WDR7: variants seen among roughly 807,000 people sequenced by gnomAD.
The protein encoded by WDR7 is WD repeat domain 7.
In WDR7, 46 loss-of-function variants were observed where a neutral mutation model predicts 169.4. That is an observed-to-expected ratio of 0.27 (90% CI 0.21 to 0.35). The LOEUF (loss-of-function observed/expected upper bound fraction) is 0.35. Ranked by LOEUF, WDR7 falls within the 10% of genes least tolerant of loss-of-function variation. The pLI is 1.00. For missense variants in WDR7, 1,534 were observed against 1,859.3 expected, an observed-to-expected ratio of 0.83 and a Z score of 3.22; for synonymous variants, 612 against 666.8, an observed-to-expected ratio of 0.92 and a Z score of 1.27.
intron 19 of WDR7, among the ~76,000 whole-genome samples, chr18:56,790,537 T>C (rs1305614002): frequency 6.6e-6 from 1 of 152,198 alleles, no homozygotes; most frequent in Non-Finnish European, 1.5e-5. Flanking sequence ...ATTTTTATTA[T>C]ATTAGCTAAT....
At chr18:56,839,406 G>T (rs557089467) in intron 20 of WDR7, among the ~76,000 whole-genome samples, 1 of 152,014 alleles carries the variant, frequency 6.6e-6, no homozygotes, top group East Asian at 1.9e-4. Context: ...ATATTATTTT[G>T]TCATTAATGT....
intron 20 of WDR7, among the ~76,000 whole-genome samples, chr18:56,847,090 A>C (rs2045579415): frequency 6.6e-6 from 1 of 152,184 alleles, no homozygotes; most frequent in Non-Finnish European, 1.5e-5. Flanking sequence ...AGACTTTTTA[A>C]GTGGTTGTGA....
intron 11 of WDR7, among the ~76,000 whole-genome samples, chr18:56,695,609 C>T (rs2144640308): frequency 6.6e-6 from 1 of 151,318 alleles, no homozygotes; most frequent in South Asian, 2.1e-4. Flanking sequence ...ATGATCTCGG[C>T]TCACTACAAT....
rs2046771496 is a variant in WDR7, at chr18:56,924,220, A to G, written c.3713+112A>G. 3 of 1,215,970 alleles carry G rather than the reference A, an allele frequency of 2.5e-6. No homozygotes were observed. In the South Asian group the frequency reaches 4.6e-5, roughly 18 times the overall value. 75.3% of individuals were successfully genotyped at this position (1,215,970 alleles called of 1,614,324 possible). ...ATTGTGCATGTTTAATAGATAAAAA[A>G]TACACAAATGTTTCAATATGTGAAG... On this transcript the variant is annotated intron_variant, in intron 22 of 27. Coordinates refer to ENST00000254442, the MANE Select transcript of WDR7 (RefSeq NM_015285.3).
intron 16 of WDR7, among the ~76,000 whole-genome samples, chr18:56,772,320 A>G (rs1182887154): frequency 1.3e-5 from 2 of 152,180 alleles, no homozygotes; most frequent in African/African-American, 4.8e-5. Flanking sequence ...TGAGGGGAGC[A>G]CTTGTGACCT....
Position 56,696,377 on chromosome 18 carries a change from A to G in WDR7, c.1493A>G (p.Asp498Gly). Reference protein sequence around the residue: ...GGVDFSVIIWDIFSGEMKHIF... With the variant: ...GGVDFSVIIWGIFSGEMKHIF... ...GTGGATTTTTCAGTCATAATTTGGGACATATTTTCTGGAGAAATGAAACAT... is the reference window on the plus strand; with the variant it reads ...GTGGATTTTTCAGTCATAATTTGGGGCATATTTTCTGGAGAAATGAAACAT... Residue 498 changes from aspartate (D) to glycine (G), a missense_variant, in exon 12 of 28, where the codon GAC (aspartate) becomes GGC (glycine). Coordinates refer to ENST00000254442, the MANE Select transcript of WDR7 (RefSeq NM_015285.3). 1 of 1,614,152 alleles carries G rather than the reference A, an allele frequency of 6.2e-7. No homozygotes were observed.
intron 13 of WDR7, among the ~76,000 whole-genome samples, chr18:56,725,959 A>T (rs2026441515): frequency 6.6e-6 from 1 of 152,144 alleles, no homozygotes. Flanking sequence ...AAGATCAAAT[A>T]GTTGTAGATG....
At chr18:56,847,774 C>T (rs1033882165) in intron 20 of WDR7, among the ~76,000 whole-genome samples, 2 of 152,156 alleles carry the variant, frequency 1.3e-5, no homozygotes, top group African/African-American at 2.4e-5. Flanking sequence ...TTCCAGAGGG[C>T]GAAAGCTATA....
chr18:56,838,503 C>T (rs2045430270), intron 20 of WDR7, among the ~76,000 whole-genome samples: 2 of 152,174 alleles, frequency 1.3e-5, no homozygotes, highest in Non-Finnish European at 2.9e-5. Context: ...TAAATTTGTA[C>T]ATTTTATATC....
At chr18:56,940,086 A>G (rs2047013908) in intron 25 of WDR7, among the ~76,000 whole-genome samples, 1 of 152,138 alleles carries the variant, frequency 6.6e-6, no homozygotes, top group Non-Finnish European at 1.5e-5. Context: ...TCTTGTTAAA[A>G]AAGGTTTAAT....
intron 14 of WDR7, among the ~76,000 whole-genome samples, chr18:56,745,605 T>C (rs937217773): frequency 1.3e-5 from 2 of 152,160 alleles, no homozygotes; most frequent in African/African-American, 4.8e-5. Flanking sequence ...CAGGTGGTAA[T>C]GCTCACTTGC....
chr18:56,939,461 G>T lies in WDR7; in HGVS notation c.4064+68G>T, dbSNP rs1451863498. On this transcript the variant is annotated intron_variant, in intron 25 of 27. Transcript: ENST00000254442. ...TAACAAATAATTTTAAAAATTTTTG[G>T]CATGGTGTTAGTAGTCTTGGTCAAT... 4 of 1,267,130 alleles carry T rather than the reference G, an allele frequency of 3.2e-6. No individual in the cohort carries two copies. In the East Asian group the frequency reaches 1.0e-4, roughly 32 times the overall value. 78.5% of individuals were successfully genotyped at this position (1,267,130 alleles called of 1,614,324 possible).
In WDR7 at chr18:56,702,944, G is replaced by T. The variant is rs562048839; in HGVS notation, c.1578+6482G>T. Among the ~76,000 whole-genome samples the T allele has an allele frequency of 5.3e-5, 8 of 152,234 alleles. No individual in the cohort carries two copies. In the South Asian group the frequency reaches 1.4e-3, roughly 28 times the overall value. On this transcript the variant is annotated intron_variant, in intron 12 of 27. Coordinates refer to ENST00000254442, the MANE Select transcript of WDR7 (RefSeq NM_015285.3). The stretch of plus-strand genomic sequence containing the variant: ...AGAATTATTCAGAACAGAAGTTTTC[G>T]AAAATGCCGAAAAATAAACTGTTTA...
intron 19 of WDR7, among the ~76,000 whole-genome samples, chr18:56,790,521 T>C (rs186742191): frequency 6.6e-5 from 10 of 152,324 alleles, no homozygotes; most frequent in Admixed American, 4.6e-4. Flanking sequence ...CTATTTTACC[T>C]GTAATATTTT....
At chr18:56,785,588 A>C (rs1017057689) in intron 19 of WDR7, among the ~76,000 whole-genome samples, 2 of 152,160 alleles carry the variant, frequency 1.3e-5, no homozygotes, top group Non-Finnish European at 2.9e-5. Context: ...TACTGGGCTG[A>C]TGGACTGTGA....
intron 20 of WDR7, among the ~76,000 whole-genome samples, chr18:56,860,970 TG>T (rs1256461042): frequency 1.3e-5 from 2 of 152,168 alleles, no homozygotes; most frequent in African/African-American, 4.8e-5. Context: ...AATATATCTT[TG>T]TTTTTCTAGA....
At chr18:56,827,724 A>G (rs1471887501) in intron 20 of WDR7, among the ~76,000 whole-genome samples, 1 of 152,206 alleles carries the variant, frequency 6.6e-6, no homozygotes, top group Non-Finnish European at 1.5e-5. Context: ...TGTTGATAAC[A>G]TGGAGGATAA....
At chr18:56,763,222 A>T (rs1404610963) in intron 16 of WDR7, among the ~76,000 whole-genome samples, 1 of 152,160 alleles carries the variant, frequency 6.6e-6, no homozygotes, top group Non-Finnish European at 1.5e-5. Context: ...CTGGGATTAC[A>T]TGCGTGAGCC....
intron 26 of WDR7, among the ~76,000 whole-genome samples, chr18:57,001,756 T>G (rs1435826436): frequency 6.6e-6 from 1 of 152,158 alleles, no homozygotes; most frequent in African/African-American, 2.4e-5. Context: ...TTTGCCTGAT[T>G]AAGAATTTTA....
Sources: gnomAD v4.1 joint callset for allele counts (sites outside exome capture counted in the v4.1 genomes callset) on GRCh38, gnomAD v4.1.1 for gene constraint, MANE v1.5 for transcripts, NCBI Gene and HGNC (gene_info 2026-07-23, HGNC 2026-07-21) for gene names.